The following ANK2 variants were observed in gnomAD, a reference collection of about 807,000 sequenced individuals.
ANK2 encodes the protein ankyrin 2, also known as ankyrin-2.
ANK2 carries 83 observed loss-of-function variants against 360.5 expected under a neutral mutation model. That is an observed-to-expected ratio of 0.23 (90% CI 0.19 to 0.28). ANK2 has a LOEUF of 0.28. Among genes scored for constraint, ANK2 ranks in the 10% least tolerant of loss-of-function variants. The probability of loss-of-function intolerance (pLI) is 1.00; values close to 1 mark genes in which losing one functional copy is unlikely to be tolerated. For synonymous variants in ANK2, 1,740 were observed against 1,759.5 expected, an observed-to-expected ratio of 0.99 and a Z score of 0.28; for missense variants, 4,201 against 4,795.7, an observed-to-expected ratio of 0.88 and a Z score of 3.66.
intron 4 of ANK2, among the ~76,000 whole-genome samples, chr4:113,205,253 A>AAG (rs1397609585): frequency 3.3e-5 from 5 of 151,196 alleles, no homozygotes; most frequent in Non-Finnish European, 5.9e-5. Context: ...AAAAAAAAAA[A>AAG]AAAAGACTTA....
intron 9 of ANK2, among the ~76,000 whole-genome samples, chr4:113,243,983 T>C (rs1169450368): frequency 1.3e-5 from 2 of 152,198 alleles, no homozygotes; most frequent in Non-Finnish European, 2.9e-5. Flanking sequence ...CAGTATTTAC[T>C]TAATAAAAGT....
At chr4:113,196,729 G>C (rs913820317) in intron 3 of ANK2, among the ~76,000 whole-genome samples, 1 of 152,010 alleles carries the variant, frequency 6.6e-6, no homozygotes, top group Admixed American at 6.6e-5. Context: ...ATGAGGTCTT[G>C]CTATGTTGCC....
At chr4:113,260,704 T>A (rs185882748) in intron 13 of ANK2, among the ~76,000 whole-genome samples, 117 of 152,358 alleles carry the variant, frequency 7.7e-4, no homozygotes, top group Non-Finnish European at 1.4e-3. Flanking sequence ...CTGGCTGTCC[T>A]GTACTTTTAA....
chr4:113,128,013 A>C lies in ANK2; in HGVS notation c.85-46403A>C, dbSNP rs753282199. Among the ~76,000 whole-genome samples, 5 of 152,232 alleles carry C rather than the reference A, an allele frequency of 3.3e-5. No individual in the cohort carries two copies. The South Asian group carries it at 1.0e-3, about 31-fold the overall frequency. Reference sequence around the variant, plus strand: ...AATGCTTGTCATCAACAGAAATACAAATTTCATGTGCAAGTCAGAAGGAAA... The same window carrying C: ...AATGCTTGTCATCAACAGAAATACACATTTCATGTGCAAGTCAGAAGGAAA... On this transcript the variant is annotated intron_variant, in intron 1 of 45. Transcript: ENST00000357077.
intron 2 of ANK2, among the ~76,000 whole-genome samples, chr4:112,950,303 G>A (rs1031538739): frequency 1.1e-4 from 17 of 152,180 alleles, no homozygotes; most frequent in African/African-American, 3.9e-4. Context: ...CTGATAGAAC[G>A]TAAATGGAAA....
chr4:112,890,220 G>A (rs1291385157), intron 1 of ANK2, among the ~76,000 whole-genome samples: 2 of 152,138 alleles, frequency 1.3e-5, no homozygotes, highest in Non-Finnish European at 2.9e-5. Flanking sequence ...CTTTCACAGT[G>A]GGAGAAAGAG....
chr4:113,139,154 ACATATAGAACCTAGC>A (rs2096549448), intron 1 of ANK2, among the ~76,000 whole-genome samples: 1 of 152,180 alleles, frequency 6.6e-6, no homozygotes, highest in Non-Finnish European at 1.5e-5. Context: ...ATGGCGTGCA[ACATATAGAACCTAGC>A]CAGGCAGCTT....
chr4:113,066,004 A>T (rs146580953), intron 1 of ANK2, among the ~76,000 whole-genome samples: 249 of 152,334 alleles, frequency 1.6e-3, no homozygotes, highest in African/African-American at 5.7e-3. Flanking sequence ...ATAATACTTT[A>T]AGACCATCTT....
chr4:112,736,324 G>A, the ANK2 span, among the ~76,000 whole-genome samples: 3 of 152,002 alleles, frequency 2.0e-5, no homozygotes, highest in Admixed American at 6.6e-5. Context: ...TTAGCCAGAC[G>A]TGGCAGCCTG....
At chr4:112,804,343 ACTTTATT>A in the ANK2 span, among the ~76,000 whole-genome samples, 1 of 152,114 alleles carries the variant, frequency 6.6e-6, no homozygotes, top group Non-Finnish European at 1.5e-5. Flanking sequence ...TTAAAACAAT[ACTTTATT>A]CAAGAGAAGC....
At chr4:112,901,491 T>A (rs2083331916) in intron 1 of ANK2, among the ~76,000 whole-genome samples, 1 of 152,186 alleles carries the variant, frequency 6.6e-6, no homozygotes, top group Non-Finnish European at 1.5e-5. Flanking sequence ...ATGCTGAAAG[T>A]ATCTGTCTAG....
intron 45 of ANK2, among the ~76,000 whole-genome samples, chr4:113,377,690 A>G (rs1036149916): frequency 3.9e-5 from 6 of 152,182 alleles, no homozygotes; most frequent in Non-Finnish European, 7.4e-5. Flanking sequence ...CAGTTTTCAC[A>G]TTTTGACAAC....
At chr4:112,848,927 A>G (rs1399979557) in intron 1 of ANK2, among the ~76,000 whole-genome samples, 1 of 152,214 alleles carries the variant, frequency 6.6e-6, no homozygotes, top group Non-Finnish European at 1.5e-5. Flanking sequence ...TAATAGAAAG[A>G]AGCAGTCTTC....
chr4:113,038,319 G>T (rs941291129), intron 2 of ANK2, among the ~76,000 whole-genome samples: 1 of 151,876 alleles, frequency 6.6e-6, no homozygotes, highest in South Asian at 2.1e-4. Flanking sequence ...ACTTTTTTTT[G>T]AGAAGAAATA....
chr4:112,959,839 G>A (rs1376419718), intron 2 of ANK2, among the ~76,000 whole-genome samples: 1 of 152,084 alleles, frequency 6.6e-6, no homozygotes, highest in African/African-American at 2.4e-5. Context: ...CCCATGAGGA[G>A]TATTTTTTTG....
At position 113,355,643 on chromosome 4, in the gene ANK2, G is replaced by C. The variant is rs747137923; in HGVS notation, c.7025G>C (p.Gly2342Ala). The change falls in exon 38 of 46, where the codon GGA becomes GCA. Residue 2342 changes from glycine (G) to alanine (A), a missense_variant. Physicochemically the swap from Gly to Ala is moderately conservative, Grantham distance 60. Around this residue, in one of 4 missense-constraint regions of ANK2, gnomAD observed 2,642 missense variants for 2,714.5 expected, o/e 0.97. Transcript: ENST00000357077. ...GCATTAGCTAAAGAGACACCTACAGGACTGACTGAGGAGGCAGCCTGTGAT... is the reference window on the plus strand; with the variant it reads ...GCATTAGCTAAAGAGACACCTACAGCACTGACTGAGGAGGCAGCCTGTGAT... ...SVALAKETPT[G>A]LTEEAACDEG... 3 of 1,614,082 alleles carry C rather than the reference G, an allele frequency of 1.9e-6. No individual in the cohort carries two copies. The highest frequency in any genetic ancestry group is 1.1e-5 in the South Asian group (1 of 91,090).
chr4:112,780,186 CAA>C, the ANK2 span, among the ~76,000 whole-genome samples: 28 of 130,438 alleles, frequency 2.1e-4, no homozygotes, highest in Admixed American at 3.9e-4. Flanking sequence ...GACTCTGTCT[CAA>C]AAAAAAAAAA....
At chr4:113,062,207 A>AT (rs1350776436) in intron 1 of ANK2, among the ~76,000 whole-genome samples, 1 of 152,088 alleles carries the variant, frequency 6.6e-6, no homozygotes, top group Non-Finnish European at 1.5e-5. Flanking sequence ...CCCAGGGTAG[A>AT]TTTTTAACTC....
intron 1 of ANK2, among the ~76,000 whole-genome samples, chr4:112,852,676 G>C (rs2065291007): frequency 6.6e-6 from 1 of 152,128 alleles, no homozygotes; most frequent in African/African-American, 2.4e-5. Flanking sequence ...ATGAACAGAT[G>C]TTTACACATA....
Sources: gnomAD v4.1 joint callset for allele counts (sites outside exome capture counted in the v4.1 genomes callset) on GRCh38, gnomAD v4.1.1 for gene constraint, gnomAD v4.1.1 regional missense constraint, MANE v1.5 for transcripts, NCBI Gene and HGNC (gene_info 2026-07-23, HGNC 2026-07-21) for gene names.